Variants in PKP4 observed in about 807,000 individuals in gnomAD.
PKP4 encodes plakophilin-4.
PKP4 carries 90 observed loss-of-function variants against 145.1 expected under a neutral mutation model. That is an observed-to-expected ratio of 0.62 (90% confidence interval 0.52 to 0.74). The LOEUF (loss-of-function observed/expected upper bound fraction) is 0.74, where lower values mean the gene tolerates loss of function less well. PKP4 is among the 30% of genes least tolerant of loss of function. PKP4 has a pLI of 0.00. For synonymous variants in PKP4, 563 were observed against 577.2 expected, an observed-to-expected ratio of 0.98 and a Z score of 0.35; for missense variants, 1,340 against 1,482.7, an observed-to-expected ratio of 0.90 and a Z score of 1.58.
intron 4 of PKP4, among the ~76,000 whole-genome samples, chr2:158,618,679 A>G (rs1185669694): frequency 1.3e-5 from 2 of 152,070 alleles, no homozygotes; most frequent in Admixed American, 6.5e-5. Flanking sequence ...TGTTTCATTG[A>G]GTGAAAAGAC....
At chr2:158,564,912 T>G (rs1450958585) in intron 2 of PKP4, among the ~76,000 whole-genome samples, 1 of 152,218 alleles carries the variant, frequency 6.6e-6, no homozygotes, top group Non-Finnish European at 1.5e-5. Flanking sequence ...ATTGCAGGGT[T>G]TTATTTGATT....
chr2:158,533,445 C>T, intron 2 of PKP4, 129 bp downstream of exon 2: 2 of 1,105,474 alleles, frequency 1.8e-6, no homozygotes, highest in Non-Finnish European at 2.7e-6. Context: ...AAGGTGTTTA[C>T]ATCCCTGAGT....
chr2:158,680,752 T>C lies in PKP4; in HGVS notation c.*75T>C. 1 of 1,301,130 alleles carries C rather than the reference T, an allele frequency of 7.7e-7. No homozygotes were observed. The highest frequency in any genetic ancestry group is 1.1e-6 in the Non-Finnish European group (1 of 944,366). 80.6% of individuals were successfully genotyped at this position (1,301,130 alleles called of 1,614,324 possible). ...TGAGGTGAAAAGTCCATCTTGCTGA[T>C]TTGATGATTGAAATGTGAAAGTGAA... On this transcript the variant is annotated 3_prime_UTR_variant, in exon 22 of 22. Coordinates refer to ENST00000389759, the MANE Select transcript of PKP4 (RefSeq NM_003628.6).
chr2:158,521,018 G>A (rs757730991), intron 1 of PKP4, among the ~76,000 whole-genome samples: 14 of 152,140 alleles, frequency 9.2e-5, no homozygotes, highest in Admixed American at 2.6e-4. Flanking sequence ...GCAACCTATC[G>A]CCTTCACAAA....
intron 10 of PKP4, among the ~76,000 whole-genome samples, chr2:158,641,249 A>C (rs906093970): frequency 2.0e-5 from 3 of 152,092 alleles, no homozygotes; most frequent in African/African-American, 7.2e-5. Context: ...GAGGCGGGAG[A>C]ATCACTTGAA....
At chr2:158,631,537 C>T (rs2053358936) in intron 7 of PKP4, among the ~76,000 whole-genome samples, 1 of 151,896 alleles carries the variant, frequency 6.6e-6, no homozygotes, top group Non-Finnish European at 1.5e-5. Context: ...ACATACACCA[C>T]CACACCCAAC....
At chr2:158,600,807 T>C (rs894902997) in intron 3 of PKP4, among the ~76,000 whole-genome samples, 1 of 152,254 alleles carries the variant, frequency 6.6e-6, no homozygotes, top group African/African-American at 2.4e-5. Flanking sequence ...TTTAATTTCA[T>C]TATTAGCTTG....
chr2:158,519,221 T>C (rs2042157817), intron 1 of PKP4, among the ~76,000 whole-genome samples: 1 of 152,168 alleles, frequency 6.6e-6, no homozygotes, highest in Admixed American at 6.5e-5. Flanking sequence ...TAAAAATTCA[T>C]TTTGCTATTC....
At chr2:158,542,850 T>C (rs999229089) in intron 2 of PKP4, among the ~76,000 whole-genome samples, 1 of 152,136 alleles carries the variant, frequency 6.6e-6, no homozygotes, top group Non-Finnish European at 1.5e-5. Flanking sequence ...ATGACAAATC[T>C]AGAAAAATTG....
At chr2:158,583,878 T>A (rs1039810036) in intron 3 of PKP4, among the ~76,000 whole-genome samples, 11 of 152,190 alleles carry the variant, frequency 7.2e-5, no homozygotes, top group African/African-American at 2.4e-4. Flanking sequence ...TGATTTTTTT[T>A]AATAAACCTT....
intron 2 of PKP4, 42 bp downstream of exon 2, chr2:158,533,358 A>T (rs1391658236): frequency 6.2e-7 from 1 of 1,604,798 alleles, no homozygotes; most frequent in Non-Finnish European, 8.5e-7. Context: ...TATTTCTTTA[A>T]TGCCTTTAAA....
chr2:158,510,731 C>T (rs1397633440), intron 1 of PKP4, among the ~76,000 whole-genome samples: 2 of 152,178 alleles, frequency 1.3e-5, no homozygotes, highest in Non-Finnish European at 2.9e-5. Flanking sequence ...GGTGAGTCCA[C>T]TTCCCCTGCC....
At chr2:158,516,058 T>A (rs113110989) in intron 1 of PKP4, among the ~76,000 whole-genome samples, 109 of 144,914 alleles carry the variant, frequency 7.5e-4, no homozygotes, top group African/African-American at 2.3e-3. Flanking sequence ...TTTTTTTTTT[T>A]TATACACATG....
intron 1 of PKP4, among the ~76,000 whole-genome samples, chr2:158,469,020 C>A: frequency 6.6e-6 from 1 of 151,992 alleles, no homozygotes; most frequent in East Asian, 1.9e-4. Flanking sequence ...CACAAGCAAT[C>A]CTCCTGCCTC....
At chr2:158,460,640 A>G (rs1421885820) in intron 1 of PKP4, among the ~76,000 whole-genome samples, 1 of 152,226 alleles carries the variant, frequency 6.6e-6, no homozygotes, top group Non-Finnish European at 1.5e-5. Context: ...TCAATTGAGC[A>G]GTAATTCCCT....
rs753663514 is a variant in PKP4 at position 158,664,986 on chromosome 2, AG to A, written c.2578-1426del. Among the ~76,000 whole-genome samples the A allele has an allele frequency of 1.3e-3, 193 of 152,376 alleles. 1 individual carries two copies. The highest frequency in any genetic ancestry group is 3.8e-3 in the Admixed American group (58 of 15,306). On this transcript the variant is annotated intron_variant, in intron 15 of 21. Transcript: ENST00000389759. ...GAAATCGATGTGATTTGACTTATTT[AG>A]AAGTTCATGTCTGGGATCATTTAGT...
intron 6 of PKP4, among the ~76,000 whole-genome samples, chr2:158,621,733 G>A (rs1473944171): frequency 9.0e-5 from 13 of 144,986 alleles, no homozygotes; most frequent in African/African-American, 2.8e-4. Flanking sequence ...GCGACAGAGC[G>A]AGACTCCGTC....
chr2:158,513,894 C>T (rs566347552), intron 1 of PKP4, among the ~76,000 whole-genome samples: 1 of 152,194 alleles, frequency 6.6e-6, no homozygotes, highest in Non-Finnish European at 1.5e-5. Flanking sequence ...ACACAGCACG[C>T]TGTGGTGTTT....
At chr2:158,651,282 T>C (rs1487636478) in intron 11 of PKP4, among the ~76,000 whole-genome samples, 1 of 152,154 alleles carries the variant, frequency 6.6e-6, no homozygotes, top group African/African-American at 2.4e-5. Flanking sequence ...TGCCATATTT[T>C]CACACGTATT....
Sources: allele counts gnomAD v4.1 joint callset (sites outside exome capture counted in the v4.1 genomes callset), GRCh38; gene constraint gnomAD v4.1.1; transcripts MANE v1.5; gene names NCBI Gene and HGNC (gene_info 2026-07-23, HGNC 2026-07-21).